MERTK: variants seen among roughly 807,000 people sequenced by gnomAD.
MERTK encodes MER proto-oncogene, tyrosine kinase, also known as tyrosine-protein kinase Mer.
A neutral mutation model predicts 99.3 loss-of-function variants in MERTK; 69 were observed. The ratio of observed to expected loss-of-function variants is 0.70; its 90% CI spans 0.57 to 0.85. The LOEUF (loss-of-function observed/expected upper bound fraction) is 0.85, where lower values mean the gene tolerates loss of function less well. MERTK is among the 40% of genes least tolerant of loss of function. The pLI is 0.00. For missense variants in MERTK, 1,125 were observed against 1,249.4 expected (o/e 0.90, Z 1.50); for synonymous variants, 426 against 467.6 (o/e 0.91, Z 1.15).
chr2:111,992,030 G>A (rs1292219422), intron 8 of MERTK, among the ~76,000 whole-genome samples: 2 of 152,120 alleles, frequency 1.3e-5, no homozygotes, highest in East Asian at 3.9e-4. Context: ...TCTCCCCAAG[G>A]CAGGGCTCTA....
At chr2:111,961,855 C>T (rs1685257799) in intron 4 of MERTK, among the ~76,000 whole-genome samples, 1 of 152,234 alleles carries the variant, frequency 6.6e-6, no homozygotes, top group Non-Finnish European at 1.5e-5. Context: ...CATGTAGTGA[C>T]CACTTGGCTG....
intron 18 of MERTK, among the ~76,000 whole-genome samples, chr2:112,027,734 A>T (rs1402756353): frequency 6.6e-6 from 1 of 152,166 alleles, no homozygotes; most frequent in African/African-American, 2.4e-5. Flanking sequence ...AGAAGACTAG[A>T]TGGAGTGATA....
At chr2:111,984,666 A>G (rs1676436560) in intron 8 of MERTK, among the ~76,000 whole-genome samples, 1 of 152,186 alleles carries the variant, frequency 6.6e-6, no homozygotes, top group Admixed American at 6.5e-5. Flanking sequence ...TGAGCTCAGG[A>G]GCACAACTTG....
rs35252762 is a variant in MERTK at position 111,965,206 on chromosome 2, C to T, written c.773C>T (p.Ala258Val). The change falls in exon 5 of 19, where the codon GCG becomes GTG. Residue 258 changes from alanine (A) to valine (V), a missense_variant. Ala to Val is a moderately conservative substitution (Grantham distance 64, BLOSUM62 0). Coordinates refer to ENST00000295408, the MANE Select transcript of MERTK (RefSeq NM_006343.3). ...TCCATTCCAGGCCTGACGGAGATGGCGGTCTTCAGTTGTGAGGCCCACAAT... is the reference window on the plus strand; with the variant it reads ...TCCATTCCAGGCCTGACGGAGATGGTGGTCTTCAGTTGTGAGGCCCACAAT... Reference protein sequence around the residue: ...VLTVPGLTEMAVFSCEAHNDK... With the variant: ...VLTVPGLTEMVVFSCEAHNDK... 225 of 1,614,036 alleles carry T rather than the reference C, an allele frequency of 1.4e-4. No individual in the cohort carries two copies. Among genetic ancestry groups the T allele is most frequent in the Non-Finnish European group, 1.8e-4 (209 of 1,179,998 alleles).
At chr2:111,978,449 T>TTTTG (rs146880586) in intron 7 of MERTK, among the ~76,000 whole-genome samples, 43 of 94,354 alleles carry the variant, frequency 4.6e-4, no homozygotes, top group South Asian at 3.1e-3. Context: ...CCAGCATGTT[T>TTTTG]TTTGTTTGTT....
Position 112,001,227 on chromosome 2 carries a change from A to T in MERTK, c.1631A>T (p.Glu544Val). ...FGNAFTEEDS[E>V]LVVNYIAKKS... Reference sequence around the variant, plus strand: ...AATGCATTCACAGAGGAGGATTCTGAATTAGTGGTGAATTATATAGCAAAG... The same window carrying T: ...AATGCATTCACAGAGGAGGATTCTGTATTAGTGGTGAATTATATAGCAAAG... The change falls in exon 11 of 19, where the codon GAA becomes GTA. Residue 544 changes from glutamate (E) to valine (V), a missense_variant. Physicochemically the swap from Glu to Val is moderately radical, Grantham distance 121. Transcript: ENST00000295408. 1 of 1,613,634 alleles carries T rather than the reference A, an allele frequency of 6.2e-7. No individual in the cohort carries two copies. The highest frequency in any genetic ancestry group is 1.3e-5 in the African/African-American group (1 of 75,008).
chr2:111,903,129 A>C (rs1684076512), intron 1 of MERTK, among the ~76,000 whole-genome samples: 1 of 151,550 alleles, frequency 6.6e-6, no homozygotes, highest in South Asian at 2.1e-4. Context: ...CCACAAGGTA[A>C]GCTCCTGGTG....
At position 112,008,495 on chromosome 2, in the gene MERTK, G is replaced by A. The variant is rs1291841007; in HGVS notation, c.1960+20G>A. Reference sequence around the variant, plus strand: ...TTCTAGGTACTTCCGAGAAATGCAGGAGTGGGTGGCCAAGAGGGCTCTGCT... The same window carrying A: ...TTCTAGGTACTTCCGAGAAATGCAGAAGTGGGTGGCCAAGAGGGCTCTGCT... On this transcript the variant is annotated intron_variant, in intron 14 of 18. Coordinates refer to ENST00000295408, the MANE Select transcript of MERTK (RefSeq NM_006343.3). 3 of 1,596,554 alleles carry A rather than the reference G, an allele frequency of 1.9e-6. No homozygotes were observed. Among genetic ancestry groups the A allele is most frequent in the Non-Finnish European group, 2.6e-6 (3 of 1,164,190 alleles).
chr2:112,028,811 G>A lies in MERTK; in HGVS notation c.2947G>A (p.Asp983Asn), dbSNP rs781065147. The A allele has an allele frequency of 1.3e-4, 207 of 1,613,936 alleles. No individual in the cohort carries two copies. Among genetic ancestry groups the A allele is most frequent in the Admixed American group, 5.7e-4 (34 of 59,984 alleles). ...SMLPLGSSLP[D>N]ELLFADDSSE... ...GCTGCCCTTGGGAAGCTCATTGCCC[G>A]ATGAACTTTTGTTTGCTGACGACTC... is the stretch of plus-strand genomic sequence containing the variant. The change falls in exon 19 of 19, where the codon GAT becomes AAT. Residue 983 changes from aspartate to asparagine, a missense_variant. Physicochemically the swap from Asp to Asn is conservative, Grantham distance 23 (BLOSUM62 1). Transcript: ENST00000295408.
intron 10 of MERTK, among the ~76,000 whole-genome samples, 156 bp downstream of exon 10, chr2:111,997,632 G>A (rs3811636): frequency 0.62 from 94,161 of 152,154 alleles, 29,514 homozygotes; most frequent in Middle Eastern, 0.69. Context: ...CCTGACTTAC[G>A]CCATGGTCTA....
chr2:111,974,226 TAAAAAAAAAA>T (rs71385852), intron 6 of MERTK, among the ~76,000 whole-genome samples: 1 of 58,164 alleles, frequency 1.7e-5, no homozygotes, highest in Non-Finnish European at 3.1e-5. Context: ...CCACCTCTAC[TAAAAAAAAAA>T]AAAAAAAAAA....
In MERTK at chr2:111,898,740, G is replaced by T. The variant is rs1424907891; in HGVS notation, c.5G>T (p.Gly2Val). 49 of 1,606,320 alleles carry T rather than the reference G, an allele frequency of 3.1e-5. No homozygotes were observed. Among genetic ancestry groups the T allele is most frequent in the Non-Finnish European group, 4.2e-5 (49 of 1,177,104 alleles). Reference protein sequence around the residue: MGPAPLPLLLGL... With the variant: MVPAPLPLLLGL... ...TTACAGATCCGCAGCCCCGGGATGG[G>T]GCCGGCCCCGCTGCCGCTGCTGCTG... Residue 2 changes from glycine (G) to valine (V), a missense_variant, in exon 1 of 19, where the codon GGG (glycine) becomes GTG (valine). Coordinates refer to ENST00000295408, the MANE Select transcript of MERTK (RefSeq NM_006343.3).
At chr2:111,935,348 G>T (rs540503419) in intron 2 of MERTK, among the ~76,000 whole-genome samples, 5 of 152,254 alleles carry the variant, frequency 3.3e-5, no homozygotes, top group African/African-American at 1.2e-4. Flanking sequence ...CGTCAGGTGC[G>T]GCAGCGCTAA....
intron 1 of MERTK, among the ~76,000 whole-genome samples, chr2:111,900,400 G>A (rs1029781508): frequency 7.2e-5 from 11 of 152,110 alleles, no homozygotes; most frequent in African/African-American, 2.2e-4. Flanking sequence ...AAATTCCTCA[G>A]CATTTCTGCC....
intron 18 of MERTK, among the ~76,000 whole-genome samples, chr2:112,025,795 G>A (rs12474039): frequency 0.22 from 33,230 of 152,126 alleles, 4,125 homozygotes; most frequent in South Asian, 0.32. Flanking sequence ...GCATTTAATT[G>A]TGATAAAATA....
intron 14 of MERTK, among the ~76,000 whole-genome samples, chr2:112,009,555 A>C (rs1677052130): frequency 6.6e-6 from 1 of 152,164 alleles, no homozygotes; most frequent in South Asian, 2.1e-4. Context: ...TTCAGTATTG[A>C]CTTTGAGGGT....
At chr2:111,961,156 C>CTT (rs1052197732) in intron 4 of MERTK, among the ~76,000 whole-genome samples, 1,152 of 97,958 alleles carry the variant, frequency 0.012, 14 homozygotes, top group African/African-American at 0.021. Flanking sequence ...AATTTTCTTT[C>CTT]TTTTTTTTTT....
Position 111,927,857 on chromosome 2 carries a change from C to G in MERTK, c.62-1263C>G, listed in dbSNP as rs560347388. On this transcript the variant is annotated intron_variant, in intron 1 of 18. Coordinates refer to ENST00000295408, the MANE Select transcript of MERTK (RefSeq NM_006343.3). The stretch of plus-strand genomic sequence containing the variant: ...GGCCAGCCCTTGAGCAAGGATGGAG[C>G]CCCCACTGTGTACCCCCAGTCACCA... 1.4e-4 allele frequency among the ~76,000 whole-genome samples: 22 copies of G among 152,220 alleles called. No homozygotes were observed. The South Asian group carries it at 4.4e-3, about 30-fold the overall frequency.
At position 111,982,822 on chromosome 2, in the gene MERTK, T is replaced by C; in HGVS notation, c.1145-20T>C. On this transcript the variant is annotated intron_variant, in intron 7 of 18. Transcript: ENST00000295408. ...TGTGCTTTGTGGTTCTTCATTCTTC[T>C]CTCCTTTTTTCTTTTGTAGCCCCAT... 6.2e-7 allele frequency: 1 copy of C among 1,613,314 alleles called. No homozygotes were observed. Among genetic ancestry groups the C allele is most frequent in the East Asian group, 2.2e-5 (1 of 44,864 alleles).
Sources: gnomAD v4.1 joint callset for allele counts (sites outside exome capture counted in the v4.1 genomes callset) on GRCh38, gnomAD v4.1.1 for gene constraint, MANE v1.5 for transcripts, NCBI Gene and HGNC (gene_info 2026-07-23, HGNC 2026-07-21) for gene names.